PALD1: variants seen among roughly 807,000 people sequenced by gnomAD.
PALD1 encodes phosphatase domain containing paladin 1.
PALD1 carries 57 observed loss-of-function variants against 96.0 expected under a neutral mutation model. That is an observed-to-expected ratio of 0.59 (90% CI 0.48 to 0.74). The LOEUF (loss-of-function observed/expected upper bound fraction) is 0.74, where lower values mean the gene tolerates loss of function less well. Among genes scored for constraint, PALD1 ranks in the 30% least tolerant of loss-of-function variants. The pLI is 0.00. For synonymous variants in PALD1, 464 were observed against 473.6 expected, an observed-to-expected ratio of 0.98 and a Z score of 0.26; for missense variants, 1,063 against 1,143.7, an observed-to-expected ratio of 0.93 and a Z score of 1.02.
intron 1 of PALD1, among the ~76,000 whole-genome samples, chr10:70,494,531 C>G (rs1846156170): frequency 6.6e-6 from 1 of 152,226 alleles, no homozygotes; most frequent in South Asian, 2.1e-4. Flanking sequence ...CCTCCTCTTC[C>G]CCATATCCCT....
chr10:70,515,713 G>A (rs1314438614), intron 1 of PALD1, among the ~76,000 whole-genome samples: 1 of 152,202 alleles, frequency 6.6e-6, no homozygotes, highest in Non-Finnish European at 1.5e-5. Context: ...ATACGGTCCA[G>A]CAGGGGAGGT....
rs761312235 is a variant in PALD1, at chr10:70,539,754, C to T, written c.1900C>T (p.Arg634Ter). Residue 634 changes from arginine to a stop codon, truncating the protein, a stop_gained, in exon 15 of 20, where the codon CGA (arginine) becomes TGA (stop). Transcript: ENST00000263563. LOFTEE classifies it high-confidence loss of function. The surrounding 1 kb of genome is among the most constrained non-coding windows in gnomAD (Gnocchi z 4.5). Reference sequence around the variant, plus strand: ...CCCCATGCCGGACTTCTGTGCCCCCCGAGAGGAGGTGAGGGTGCTGCTCAG... The same window carrying T: ...CCCCATGCCGGACTTCTGTGCCCCCTGAGAGGAGGTGAGGGTGCTGCTCAG... ...RIPMPDFCAP[R>*]EEDFDQLLEA... The T allele has an allele frequency of 2.5e-6, 4 of 1,609,906 alleles. No homozygotes were observed. Among genetic ancestry groups the T allele is most frequent in the South Asian group, 1.1e-5 (1 of 90,870 alleles).
intron 1 of PALD1, among the ~76,000 whole-genome samples, chr10:70,523,019 T>C (rs950800295): frequency 3.3e-5 from 5 of 152,174 alleles, no homozygotes; most frequent in African/African-American, 1.2e-4. Context: ...AGCTACAGTG[T>C]GACAAGCCTG....
chr10:70,509,156 C>T (rs1846464317), intron 1 of PALD1, among the ~76,000 whole-genome samples: 1 of 152,126 alleles, frequency 6.6e-6, no homozygotes, highest in Admixed American at 6.5e-5. Flanking sequence ...GGGTACTCTC[C>T]CCCTGGGTCC....
At chr10:70,478,389 C>A (rs1845862904), upstream of PALD1, among the ~76,000 whole-genome samples, 1 of 152,338 alleles carries the variant, frequency 6.6e-6, no homozygotes, top group African/African-American at 2.4e-5. Context: ...CGAGGGAAGC[C>A]GGGCCAGCGG....
At chr10:70,564,218 C>T in intron 18 of PALD1, 146 bp from the exon 19 acceptor site, 3 of 822,740 alleles carry the variant, frequency 3.6e-6, no homozygotes, top group South Asian at 1.8e-5. Context: ...TGCTCCATTG[C>T]TTGTCCTGTA....
intron 17 of PALD1, among the ~76,000 whole-genome samples, chr10:70,542,451 TC>T (rs904129747): frequency 1.3e-5 from 2 of 152,138 alleles, no homozygotes; most frequent in African/African-American, 4.8e-5. Flanking sequence ...CCATCCTCCC[TC>T]CCAGCAGCCC....
chr10:70,540,512 G>A lies in PALD1; in HGVS notation c.1909-590G>A, dbSNP rs1294647338. Among the ~76,000 whole-genome samples, 1 of 151,862 alleles carries A rather than the reference G, an allele frequency of 6.6e-6. No individual in the cohort carries two copies. The highest frequency in any genetic ancestry group is 1.5e-5 in the Non-Finnish European group (1 of 67,942). ...GGATCCCTGTGTGGTGCGTGTGTCT[G>A]GCGTGTGTTGTAGGTGAGCCACCGT... On this transcript the variant is annotated intron_variant, in intron 15 of 19. Coordinates refer to ENST00000263563, the MANE Select transcript of PALD1 (RefSeq NM_014431.3). The surrounding 1 kb of genome is among the most constrained non-coding windows in gnomAD (Gnocchi z 4.2).
the PALD1 span, among the ~76,000 whole-genome samples, chr10:70,473,106 C>T: frequency 0.017 from 2,640 of 152,272 alleles, 78 homozygotes; most frequent in African/African-American, 0.06. Flanking sequence ...AACCTCCGTA[C>T]ATTGCTAGAG....
chr10:70,480,416 A>C (rs573650830), intron 1 of PALD1, among the ~76,000 whole-genome samples: 1 of 152,260 alleles, frequency 6.6e-6, no homozygotes, highest in Middle Eastern at 3.4e-3. Flanking sequence ...GCTGGCAGGC[A>C]CTGGGCCAGT....
chr10:70,554,923 TCCCCCTCCTC>T (rs1564710349), intron 18 of PALD1, among the ~76,000 whole-genome samples: 28 of 8,054 alleles, frequency 3.5e-3, no homozygotes, highest in East Asian at 0.013. Flanking sequence ...TCTCCTCCCC[TCCCCCTCCTC>T]CCCCTCCCCT....
At chr10:70,529,826 C>T (rs1442586976) in intron 3 of PALD1, 63 bp from the exon 4 acceptor site, 2 of 1,469,014 alleles carry the variant, frequency 1.4e-6, no homozygotes, top group Non-Finnish European at 1.9e-6. Context: ...CAGGACAGAG[C>T]TCCATCTGCA....
At chr10:70,508,745 T>C (rs891900911) in intron 1 of PALD1, among the ~76,000 whole-genome samples, 4 of 143,760 alleles carry the variant, frequency 2.8e-5, no homozygotes, top group Non-Finnish European at 6.1e-5. Flanking sequence ...AACTCTAAGA[T>C]ACACGTGGGT....
Position 70,525,990 on chromosome 10 carries a change from G to A in PALD1, c.39G>A (p.Ser13=), listed in dbSNP as rs149363332. 9.3e-6 allele frequency: 15 copies of A among 1,614,038 alleles called. No individual in the cohort carries two copies. Among genetic ancestry groups the A allele is most frequent in the East Asian group, 2.2e-5 (1 of 44,892 alleles). ...CCAGCACAGCCCAGCAGACGGTCTC[G>A]GCAGGCACCCCATTTGAGGGCCTAC... ...TTASTAQQTV[S]AGTPFEGLQG... is the part of the protein sequence containing the mutation. Residue 13 remains serine, a synonymous_variant, in exon 2 of 20, where the codon TCG becomes TCA. Transcript: ENST00000263563.
chr10:70,458,939 A>G, the PALD1 span, among the ~76,000 whole-genome samples: 2 of 152,352 alleles, frequency 1.3e-5, no homozygotes, highest in South Asian at 4.1e-4. Flanking sequence ...CAGGAGAGTC[A>G]GGATGGGCCC....
chr10:70,477,742 G>A (rs1845848263), upstream of PALD1, among the ~76,000 whole-genome samples: 1 of 152,150 alleles, frequency 6.6e-6, no homozygotes, highest in Non-Finnish European at 1.5e-5. Flanking sequence ...CAGAGGTGGG[G>A]CCTACACTGC....
chr10:70,547,304 A>T lies in PALD1; in HGVS notation c.2122-2A>T. The stretch of plus-strand genomic sequence containing the variant: ...CTGCTCACCCCCCTTCTCTGGCCCC[A>T]GGTAGTAATGAAGGTGGTGCAGCTG... On this transcript the variant is annotated splice_acceptor_variant, in intron 17 of 19. Coordinates refer to ENST00000263563, the MANE Select transcript of PALD1 (RefSeq NM_014431.3). LOFTEE classifies it high-confidence loss of function. 6.2e-7 allele frequency: 1 copy of T among 1,613,362 alleles called. No individual in the cohort carries two copies.
chr10:70,533,032 C>G lies in PALD1; in HGVS notation c.832C>G (p.Leu278Val). The G allele has an allele frequency of 6.3e-7, 1 of 1,587,148 alleles. No individual in the cohort carries two copies. The highest frequency in any genetic ancestry group is 8.6e-7 in the Non-Finnish European group (1 of 1,166,332). The change falls in exon 7 of 20, where the codon CTG becomes GTG. Residue 278 changes from leucine to valine, a missense_variant. Physicochemically the swap from Leu to Val is conservative, Grantham distance 32 (BLOSUM62 1). Transcript: ENST00000263563. ...GCCCCTGCCCGAGCAAGGGAGTCCCCTGGAGGCCCAGTTGGACGCCTTTGT... is the reference window on the plus strand; with the variant it reads ...GCCCCTGCCCGAGCAAGGGAGTCCCGTGGAGGCCCAGTTGGACGCCTTTGT... ...RLPLPEQGSP[L>V]EAQLDAFVSV...
intron 1 of PALD1, among the ~76,000 whole-genome samples, chr10:70,489,868 G>A (rs1846072198): frequency 6.6e-6 from 1 of 151,996 alleles, no homozygotes; most frequent in African/African-American, 2.4e-5. Flanking sequence ...GCTAATTCTA[G>A]ACATTTCATA....
Sources: allele counts gnomAD v4.1 joint callset (sites outside exome capture counted in the v4.1 genomes callset), GRCh38; gene constraint gnomAD v4.1.1; non-coding constraint Gnocchi (gnomAD v3.1); transcripts MANE v1.5; gene names NCBI Gene and HGNC (gene_info 2026-07-23, HGNC 2026-07-21).